KANK2: variants seen among roughly 807,000 people sequenced by gnomAD.
KANK2 encodes KN motif and ankyrin repeat domain-containing protein 2.
Under a neutral mutation model 74.6 loss-of-function variants are expected in KANK2, and 41 were observed. The ratio of observed to expected loss-of-function variants is 0.55; its 90% CI spans 0.43 to 0.71. The LOEUF (loss-of-function observed/expected upper bound fraction) is 0.71. Ranked by LOEUF, KANK2 falls within the 30% of genes least tolerant of loss-of-function variation. The pLI, the probability that KANK2 is intolerant of heterozygous loss-of-function variation, is 0.00. For synonymous variants in KANK2, 537 were observed against 519.0 expected (o/e 1.03, Z -0.47); for missense variants, 1,148 against 1,196.4 (o/e 0.96, Z 0.60).
At chr19:11,179,655 A>T (rs1391198861) in intron 4 of KANK2, among the ~76,000 whole-genome samples, 2 of 152,066 alleles carry the variant, frequency 1.3e-5, no homozygotes, top group African/African-American at 2.4e-5. Flanking sequence ...AAATAAAAAA[A>T]AAAAACACAT....
In KANK2 at chr19:11,193,766, C is replaced by A; in HGVS notation, c.314G>T (p.Arg105Leu). 1 of 1,612,732 alleles carries A rather than the reference C, an allele frequency of 6.2e-7. No individual in the cohort carries two copies. The highest frequency in any genetic ancestry group is 1.3e-5 in the African/African-American group (1 of 75,052). Reference protein sequence around the residue: ...SRHSAYSYCGRGFYPQYGALE... With the variant: ...SRHSAYSYCGLGFYPQYGALE... ...AGCACCATACTGAGGGTAGAAGCCA[C>A]GGCCGCAGTAGGAATAGGCTGAGTG... The change falls in exon 4 of 13, where the codon CGT (arginine) becomes CTT (leucine). Residue 105 changes from arginine to leucine, a missense_variant. By Grantham distance (102) the Arg-to-Leu change is moderately radical. Transcript: ENST00000586659. This position sits in a 1 kb window ranked among gnomAD's most constrained non-coding sequence, Gnocchi z 9.6.
At chr19:11,183,508 T>C (rs569810622) in intron 4 of KANK2, among the ~76,000 whole-genome samples, 10 of 152,296 alleles carry the variant, frequency 6.6e-5, no homozygotes, top group African/African-American at 2.4e-4. Context: ...ATTCATCCAG[T>C]GACACAGTCT....
In KANK2 at chr19:11,173,097, G is replaced by A. The variant is rs143339573; in HGVS notation, c.2095C>T (p.Arg699Cys). 3.5e-5 allele frequency: 57 copies of A among 1,613,622 alleles called. No homozygotes were observed. Among genetic ancestry groups the A allele is most frequent in the Admixed American group, 1.7e-4 (10 of 59,906 alleles). The change falls in exon 10 of 13, where the codon CGT becomes TGT. Residue 699 changes from arginine to cysteine, a missense_variant. Physicochemically the swap from Arg to Cys is radical, Grantham distance 180 (BLOSUM62 -3). Coordinates refer to ENST00000586659, the MANE Select transcript of KANK2 (RefSeq NM_001136191.3). ...AGCATAATAGGGCTGTAGCCAGCAC[G>A]GTTCTGTTTGTCCACCTTGCAGACA... ...SGVCKVDKQN[R>C]AGYSPIMLTA...
In KANK2 at chr19:11,193,234, C is replaced by G. The variant is rs1221707395; in HGVS notation, c.846G>C (p.Glu282Asp). The change falls in exon 4 of 13, where the codon GAG becomes GAC. Residue 282 changes from glutamate (E) to aspartate (D), a missense_variant. By Grantham distance (45) the Glu-to-Asp change is conservative. Coordinates refer to ENST00000586659, the MANE Select transcript of KANK2 (RefSeq NM_001136191.3). The surrounding 1 kb of genome is among the most constrained non-coding windows in gnomAD (Gnocchi z 9.6). ...RERDLGMPDG[E>D]AALAAKVAVL... ...CAGCGACCTTGGCGGCGAGGGCAGCCTCCCCATCAGGCATGCCCAAGTCCC... is the reference window on the plus strand; with the variant it reads ...CAGCGACCTTGGCGGCGAGGGCAGCGTCCCCATCAGGCATGCCCAAGTCCC... 1 of 1,609,780 alleles carries G rather than the reference C, an allele frequency of 6.2e-7. No individual in the cohort carries two copies. Among genetic ancestry groups the G allele is most frequent in the Admixed American group, 1.7e-5 (1 of 60,000 alleles).
intron 2 of KANK2, chr19:11,194,847 T>G (rs777127265): frequency 5.0e-5 from 11 of 221,372 alleles, no homozygotes; most frequent in Non-Finnish European, 8.6e-5. Flanking sequence ...GCTGTTCCCA[T>G]AGCCCAGCCT....
intron 7 of KANK2, 151 bp downstream of exon 7, chr19:11,176,427 G>A: frequency 2.2e-6 from 2 of 928,750 alleles, no homozygotes; most frequent in African/African-American, 1.7e-5. Context: ...AACTTCAGAT[G>A]CCCAGAAGGA....
intron 4 of KANK2, 23 bp from the exon 5 acceptor site, chr19:11,178,743 T>G: frequency 6.7e-7 from 1 of 1,501,796 alleles, no homozygotes; most frequent in Non-Finnish European, 8.9e-7. Context: ...GAAATGAGTG[T>G]CTGCTCTTGG....
Position 11,169,854 on chromosome 19 carries a change from T to A in KANK2, c.2502+23A>T, listed in dbSNP as rs57066376. ...TTCAGAGACCCACCCATCCCGTGCC[T>A]ACCCGGCCGGATTGAGACTCACCGA... is the stretch of plus-strand genomic sequence containing the variant. On this transcript the variant is annotated intron_variant, in intron 12 of 12. Coordinates refer to ENST00000586659, the MANE Select transcript of KANK2 (RefSeq NM_001136191.3). The A allele has an allele frequency of 7.4e-4, 1,179 of 1,599,602 alleles. 13 individuals carry two copies. In the African/African-American group the frequency reaches 0.014, roughly 19 times the overall value.
chr19:11,178,217 T>G, intron 6 of KANK2, 128 bp downstream of exon 6: 10 of 770,160 alleles, frequency 1.3e-5, no homozygotes, highest in Non-Finnish European at 1.9e-5. Flanking sequence ...ATCTCTGTGT[T>G]GTGGTTTGAT....
intron 12 of KANK2, among the ~76,000 whole-genome samples, chr19:11,167,859 C>T (rs1431304417): frequency 6.6e-6 from 1 of 151,910 alleles, no homozygotes. Flanking sequence ...AGACACACCC[C>T]TGCCTCAGGG....
chr19:11,177,643 C>T (rs367890568), intron 6 of KANK2, among the ~76,000 whole-genome samples: 1 of 152,264 alleles, frequency 6.6e-6, no homozygotes, highest in African/African-American at 2.4e-5. Flanking sequence ...TGAGCCACCG[C>T]GCCCGGCCAC....
intron 9 of KANK2, 81 bp from the exon 10 acceptor site, chr19:11,173,204 C>A: frequency 6.7e-7 from 1 of 1,482,150 alleles, no homozygotes; most frequent in South Asian, 1.3e-5. Context: ...CACGTCTCGT[C>A]CATCAGTCTA....
intron 2 of KANK2, 175 bp from the exon 3 acceptor site, chr19:11,194,765 C>G (rs998623570): frequency 2.0e-5 from 9 of 444,118 alleles, no homozygotes; most frequent in African/African-American, 1.4e-4. Flanking sequence ...CCCTCCCCCC[C>G]GCAGGTCTGG....
intron 4 of KANK2, among the ~76,000 whole-genome samples, chr19:11,189,093 T>G: frequency 1.1e-5 from 1 of 92,366 alleles, no homozygotes; most frequent in African/African-American, 3.7e-5. Context: ...CATGAATTGA[T>G]TCTCTCCCCC....
At chr19:11,186,193 G>C (rs1214914272) in intron 4 of KANK2, among the ~76,000 whole-genome samples, 1 of 152,092 alleles carries the variant, frequency 6.6e-6, no homozygotes, top group Non-Finnish European at 1.5e-5. Flanking sequence ...TTTGAGACCA[G>C]CCTGGCCAAC....
chr19:11,180,326 C>T (rs979509153), intron 4 of KANK2, among the ~76,000 whole-genome samples: 7 of 152,098 alleles, frequency 4.6e-5, no homozygotes, highest in Admixed American at 1.3e-4. Context: ...AACTCCAGAG[C>T]GCAAGGGATC....
intron 12 of KANK2, among the ~76,000 whole-genome samples, chr19:11,168,332 C>T (rs77169836): frequency 0.18 from 27,030 of 150,740 alleles, 4,986 homozygotes; most frequent in African/African-American, 0.47. Flanking sequence ...CCAGACAAGG[C>T]GGCACTCTGT....
intron 9 of KANK2, among the ~76,000 whole-genome samples, chr19:11,173,994 C>T (rs570067271): frequency 1.3e-4 from 20 of 149,520 alleles, no homozygotes; most frequent in Admixed American, 1.3e-4. Flanking sequence ...GAGGGTGGTG[C>T]CCCCCCCATC....
chr19:11,187,068 C>T (rs1002727811), intron 4 of KANK2, among the ~76,000 whole-genome samples: 1 of 151,920 alleles, frequency 6.6e-6, no homozygotes, highest in African/African-American at 2.4e-5. Flanking sequence ...CCAGCCTGGC[C>T]AACGTGGTGA....
Sources: allele counts gnomAD v4.1 joint callset (sites outside exome capture counted in the v4.1 genomes callset), GRCh38; gene constraint gnomAD v4.1.1; non-coding constraint Gnocchi (gnomAD v3.1); transcripts MANE v1.5; gene names NCBI Gene and HGNC (gene_info 2026-07-23, HGNC 2026-07-21).